PDE4B: variants seen among roughly 807,000 people sequenced by gnomAD.
PDE4B encodes the protein 3',5'-cyclic-AMP phosphodiesterase 4B.
A neutral mutation model predicts 82.2 loss-of-function variants in PDE4B; 20 were observed. The ratio of observed to expected loss-of-function variants is 0.24; its 90% CI spans 0.17 to 0.35. The LOEUF is 0.35. Among genes scored for constraint, PDE4B ranks in the 10% least tolerant of loss-of-function variants. The probability of loss-of-function intolerance (pLI) is 1.00; values close to 1 mark genes in which losing one functional copy is unlikely to be tolerated. For synonymous variants in PDE4B, 320 were observed against 318.9 expected (o/e 1.00, Z -0.04); for missense variants, 655 against 907.2 (o/e 0.72, Z 3.57).
At chr1:66,285,302 G>T (rs925590103) in intron 7 of PDE4B, among the ~76,000 whole-genome samples, 1 of 152,190 alleles carries the variant, frequency 6.6e-6, no homozygotes, top group Non-Finnish European at 1.5e-5. Flanking sequence ...CCACAAAGTC[G>T]AACACAAATG....
chr1:66,040,268 A>G (rs1358079224), intron 3 of PDE4B, among the ~76,000 whole-genome samples: 4 of 152,060 alleles, frequency 2.6e-5, no homozygotes, highest in African/African-American at 4.8e-5. Flanking sequence ...AGCCCTGACT[A>G]CTGTTGAATA....
intron 7 of PDE4B, among the ~76,000 whole-genome samples, chr1:66,325,200 C>A (rs1659661476): frequency 6.6e-6 from 1 of 152,142 alleles, no homozygotes; most frequent in Admixed American, 6.5e-5. Flanking sequence ...AAGACATCTA[C>A]AGGGCTAGAA....
chr1:66,095,254 G>A (rs1645092403), intron 3 of PDE4B, among the ~76,000 whole-genome samples: 1 of 151,772 alleles, frequency 6.6e-6, no homozygotes, highest in Non-Finnish European at 1.5e-5. Flanking sequence ...TTGCAATCTT[G>A]AGCAAATAAC....
chr1:66,042,445 A>T (rs564010648), intron 3 of PDE4B: 1 of 149,682 alleles, frequency 6.7e-6, no homozygotes, highest in South Asian at 2.1e-4. Flanking sequence ...TTAATTATGT[A>T]CAACTGCATT....
chr1:66,044,650 G>A (rs545437301), intron 3 of PDE4B, among the ~76,000 whole-genome samples: 3 of 151,748 alleles, frequency 2.0e-5, no homozygotes, highest in Non-Finnish European at 4.4e-5. Context: ...CAGATGTCCA[G>A]CAAGTTTGTA....
chr1:65,987,447 G>T (rs2503192), intron 3 of PDE4B, among the ~76,000 whole-genome samples: 1 of 152,198 alleles, frequency 6.6e-6, no homozygotes, highest in Admixed American at 6.5e-5. Flanking sequence ...CTGGATCACC[G>T]TGGGAGCATG....
chr1:66,059,820 TATAAC>T (rs1156272702), intron 3 of PDE4B, among the ~76,000 whole-genome samples: 3 of 152,188 alleles, frequency 2.0e-5, no homozygotes. Context: ...TATTTTCTCA[TATAAC>T]ATGGGATCAA....
chr1:65,987,675 C>G (rs1300994249), intron 3 of PDE4B, among the ~76,000 whole-genome samples: 1 of 152,082 alleles, frequency 6.6e-6, no homozygotes, highest in African/African-American at 2.4e-5. Flanking sequence ...TGCAATGGCA[C>G]AATCTCTGCT....
chr1:66,012,713 T>C (rs1652555293), intron 3 of PDE4B, among the ~76,000 whole-genome samples: 1 of 152,128 alleles, frequency 6.6e-6, no homozygotes, highest in Non-Finnish European at 1.5e-5. Flanking sequence ...TTTCTTGAAA[T>C]AGCCAAACAA....
intron 3 of PDE4B, among the ~76,000 whole-genome samples, chr1:66,036,555 A>G (rs1328349382): frequency 6.6e-6 from 1 of 152,124 alleles, no homozygotes; most frequent in Non-Finnish European, 1.5e-5. Context: ...TGTTTTCTCA[A>G]CAGCATTTAT....
chr1:66,264,432 T>A (rs72641149), intron 6 of PDE4B, among the ~76,000 whole-genome samples: 13,926 of 152,234 alleles, frequency 0.091, 982 homozygotes, highest in East Asian at 0.35. Flanking sequence ...TGTCAGTATG[T>A]TTCTTAAACT....
rs529994390 is a variant in PDE4B at position 66,352,538 on chromosome 1, G to A, written c.748-2989G>A. ...AATCTTTCCTCTTATAGCCTTTTAT[G>A]ATTCAGTTTCTACCTGCTCCTATCT... On this transcript the variant is annotated intron_variant, in intron 8 of 16. Coordinates refer to ENST00000341517, the MANE Select transcript of PDE4B (RefSeq NM_002600.4). Among the ~76,000 whole-genome samples, 7 of 152,276 alleles carry A rather than the reference G, an allele frequency of 4.6e-5. 1 individual carries two copies. The South Asian group carries it at 1.4e-3, about 32-fold the overall frequency.
intron 1 of PDE4B, among the ~76,000 whole-genome samples, chr1:65,854,507 G>T (rs1646370277): frequency 1.3e-5 from 2 of 150,656 alleles, no homozygotes; most frequent in African/African-American, 2.4e-5. Flanking sequence ...ATATTCTCTA[G>T]GTATAAAATT....
At chr1:65,875,516 G>A (rs1291521081) in intron 1 of PDE4B, among the ~76,000 whole-genome samples, 1 of 144,482 alleles carries the variant, frequency 6.9e-6, no homozygotes, top group African/African-American at 2.6e-5. Context: ...GTTTATTGCG[G>A]CATTATTCAC....
chr1:66,363,321 T>A (rs1662961647), intron 11 of PDE4B, 55 bp downstream of exon 11: 1 of 1,545,584 alleles, frequency 6.5e-7, no homozygotes, highest in South Asian at 1.2e-5. Context: ...TTTATGATTT[T>A]TTTTTTCCAT....
intron 7 of PDE4B, among the ~76,000 whole-genome samples, chr1:66,269,900 C>T (rs1027055268): frequency 1.3e-5 from 2 of 152,118 alleles, no homozygotes; most frequent in African/African-American, 4.8e-5. Flanking sequence ...ATCATGTATA[C>T]AATATTTTAG....
chr1:65,877,801 A>G (rs1646663674), intron 1 of PDE4B, among the ~76,000 whole-genome samples: 2 of 152,052 alleles, frequency 1.3e-5, no homozygotes, highest in Non-Finnish European at 2.9e-5. Flanking sequence ...AACCTAGGTA[A>G]TACCATTCAG....
chr1:66,141,081 A>G (rs372513014), intron 3 of PDE4B, among the ~76,000 whole-genome samples: 3 of 152,090 alleles, frequency 2.0e-5, no homozygotes, highest in East Asian at 3.9e-4. Context: ...GTGTATGTCT[A>G]TACATGCATT....
At chr1:66,159,807 T>G (rs1279047344) in intron 3 of PDE4B, among the ~76,000 whole-genome samples, 1 of 152,186 alleles carries the variant, frequency 6.6e-6, no homozygotes, top group Non-Finnish European at 1.5e-5. Context: ...TGAAATTGCT[T>G]CAAAATTTAC....
Sources: allele counts gnomAD v4.1 joint callset (sites outside exome capture counted in the v4.1 genomes callset), GRCh38; gene constraint gnomAD v4.1.1; transcripts MANE v1.5; gene names NCBI Gene and HGNC (gene_info 2026-07-23, HGNC 2026-07-21).